The following COL26A1 variants were observed in gnomAD, a reference collection of about 807,000 sequenced individuals.
The protein encoded by COL26A1 is collagen type XXVI alpha 1 chain, also known as collagen alpha-1(XXVI) chain.
In COL26A1, 41 loss-of-function variants were observed where a neutral mutation model predicts 59.3. The observed-to-expected ratio is 0.69, with a 90% CI of 0.54 to 0.90. The LOEUF (loss-of-function observed/expected upper bound fraction) is 0.90. COL26A1 is among the 40% of genes least tolerant of loss of function. The pLI is 0.00. For missense variants in COL26A1, 612 were observed against 602.3 expected, an observed-to-expected ratio of 1.02 and a Z score of -0.17; for synonymous variants, 266 against 256.0, an observed-to-expected ratio of 1.04 and a Z score of -0.37.
chr7:101,530,796 T>C (rs1426462123), intron 3 of COL26A1, among the ~76,000 whole-genome samples: 1 of 152,074 alleles, frequency 6.6e-6, no homozygotes, highest in Non-Finnish European at 1.5e-5. Context: ...GGAGAGCCAG[T>C]GGCTCCCAGT....
chr7:101,489,684 T>TTC (rs1794360533), intron 3 of COL26A1, among the ~76,000 whole-genome samples: 1 of 18,900 alleles, frequency 5.3e-5, no homozygotes, highest in Non-Finnish European at 8.2e-5. Context: ...TTCCTTCCTT[T>TTC]CTTTCTTTCT....
At chr7:101,412,894 A>C (rs1003627363) in intron 1 of COL26A1, among the ~76,000 whole-genome samples, 1 of 152,088 alleles carries the variant, frequency 6.6e-6, no homozygotes, top group African/African-American at 2.4e-5. Flanking sequence ...CCGTGTCACC[A>C]GGGCAATGGG....
intron 3 of COL26A1, among the ~76,000 whole-genome samples, chr7:101,525,171 C>CTTTTTTTT (rs34881584): frequency 4.1e-5 from 3 of 73,902 alleles, no homozygotes; most frequent in Admixed American, 1.8e-4. Context: ...TGACTTCATT[C>CTTTTTTTT]TTTTTTTTTT....
At chr7:101,482,950 T>A (rs941003429) in intron 3 of COL26A1, among the ~76,000 whole-genome samples, 1 of 152,148 alleles carries the variant, frequency 6.6e-6, no homozygotes, top group Non-Finnish European at 1.5e-5. Flanking sequence ...AGTGAGACTC[T>A]GTCTCAAAAA....
At chr7:101,404,163 G>C (rs780072256) in intron 1 of COL26A1, among the ~76,000 whole-genome samples, 8 of 152,148 alleles carry the variant, frequency 5.3e-5, no homozygotes, top group African/African-American at 7.2e-5. Flanking sequence ...AGCCATCTTA[G>C]AGCCATGAGG....
At chr7:101,456,152 G>GTATATA (rs72074261) in intron 3 of COL26A1, among the ~76,000 whole-genome samples, 19 of 108,738 alleles carry the variant, frequency 1.7e-4, no homozygotes, top group African/African-American at 6.2e-4. Context: ...ATTACTGTAA[G>GTATATA]TATATATATA....
rs190732437 is a variant in COL26A1, at chr7:101,471,116, T to C, written c.385+23329T>C. Reference sequence around the variant, plus strand: ...TGAGGCTGGATGCTACTCTGTGTACTGAAGACACTCACTCGGGCCTTAAGG... The same window carrying C: ...TGAGGCTGGATGCTACTCTGTGTACCGAAGACACTCACTCGGGCCTTAAGG... On this transcript the variant is annotated intron_variant, in intron 3 of 12. Coordinates refer to ENST00000313669, the MANE Select transcript of COL26A1 (RefSeq NM_001278563.3). 2.0e-3 allele frequency among the ~76,000 whole-genome samples: 304 copies of C among 152,310 alleles called. 1 individual carries two copies. The highest frequency in any genetic ancestry group is 0.017 in the Middle Eastern group (5 of 294).
At chr7:101,392,776 C>T (rs1584367223) in intron 1 of COL26A1, among the ~76,000 whole-genome samples, 1 of 152,040 alleles carries the variant, frequency 6.6e-6, no homozygotes, top group Non-Finnish European at 1.5e-5. Flanking sequence ...TCCTAGTTGT[C>T]TGAAATGTGC....
At chr7:101,555,262 C>T in intron 11 of COL26A1, among the ~76,000 whole-genome samples, 1 of 152,208 alleles carries the variant, frequency 6.6e-6, no homozygotes, top group East Asian at 1.9e-4. Flanking sequence ...CCTGCCTGCA[C>T]TTTGAAATGG....
At chr7:101,533,835 C>G (rs1374612854) in intron 4 of COL26A1, among the ~76,000 whole-genome samples, 1 of 152,232 alleles carries the variant, frequency 6.6e-6, no homozygotes, top group Non-Finnish European at 1.5e-5. Context: ...CTGCTCCTCA[C>G]TGGGTAACAC....
At chr7:101,499,642 C>T (rs1296245027) in intron 3 of COL26A1, among the ~76,000 whole-genome samples, 1 of 151,616 alleles carries the variant, frequency 6.6e-6, no homozygotes, top group African/African-American at 2.4e-5. Context: ...TGAGATTGCA[C>T]CACTACACTC....
chr7:101,391,665 A>G (rs1418933788), intron 1 of COL26A1, among the ~76,000 whole-genome samples: 1 of 151,972 alleles, frequency 6.6e-6, no homozygotes, highest in Non-Finnish European at 1.5e-5. Flanking sequence ...GTTCAAAGAG[A>G]TTCTCCTGCC....
At chr7:101,490,672 G>C (rs1036791193) in intron 3 of COL26A1, among the ~76,000 whole-genome samples, 12 of 151,744 alleles carry the variant, frequency 7.9e-5, no homozygotes, top group Non-Finnish European at 1.5e-4. Context: ...TTGCACTCCA[G>C]CCTGGGTAAC....
Position 101,363,078 on chromosome 7 carries a change from G to C in COL26A1, c.46G>C (p.Gly16Arg). The change falls in exon 1 of 13, where the codon GGG (glycine) becomes CGG (arginine). Residue 16 changes from glycine (G) to arginine (R), a missense_variant. Physicochemically the swap from Gly to Arg is moderately radical, Grantham distance 125. Coordinates refer to ENST00000313669, the MANE Select transcript of COL26A1 (RefSeq NM_001278563.3). ...LLPWACCCLC[G>R]SALATGFLYP... ...GCCCTGGGCGTGTTGCTGCCTCTGC[G>C]GGTCGGCGCTGGCCACCGGCTTCCT... 1.3e-6 allele frequency: 2 copies of C among 1,579,458 alleles called. No individual in the cohort carries two copies. Among genetic ancestry groups the C allele is most frequent in the Non-Finnish European group, 1.7e-6 (2 of 1,171,520 alleles).
intron 3 of COL26A1, among the ~76,000 whole-genome samples, chr7:101,527,347 G>A (rs1795269245): frequency 6.6e-6 from 1 of 150,406 alleles, no homozygotes; most frequent in African/African-American, 2.4e-5. Context: ...TTCTCTTTTT[G>A]AGATGGAGTC....
In COL26A1 at chr7:101,497,238, C is replaced by T. The variant is rs570104378; in HGVS notation, c.386-35844C>T. On this transcript the variant is annotated intron_variant, in intron 3 of 12. Transcript: ENST00000313669. Reference sequence around the variant, plus strand: ...GGTGGACAAGAGCAAAACTCCATCTCAAAAAACACAAACAGAAATAGTTCT... The same window carrying T: ...GGTGGACAAGAGCAAAACTCCATCTTAAAAAACACAAACAGAAATAGTTCT... Among the ~76,000 whole-genome samples, 14 of 152,216 alleles carry T rather than the reference C, an allele frequency of 9.2e-5. 1 individual carries two copies. Among genetic ancestry groups the T allele is most frequent in the African/African-American group, 3.4e-4 (14 of 41,552 alleles).
chr7:101,411,983 G>A (rs1254992704), intron 1 of COL26A1, among the ~76,000 whole-genome samples: 1 of 152,086 alleles, frequency 6.6e-6, no homozygotes, highest in Non-Finnish European at 1.5e-5. Flanking sequence ...TCTGACTCAG[G>A]CTCGGGACTC....
At position 101,445,750 on chromosome 7, in the gene COL26A1, AAAAAG is replaced by A. The variant is rs1213456344; in HGVS notation, c.282-1932_282-1928del. On this transcript the variant is annotated intron_variant, in intron 2 of 12. Transcript: ENST00000313669. ...CCGTCTCAAAAAAAAAAAAAAAAAA[AAAAAG>A]AGAGTGAGGGGGCACCAGGCGCGGT... Among the ~76,000 whole-genome samples the A allele has an allele frequency of 2.4e-3, 337 of 139,138 alleles. 3 individuals are homozygous for A. Among genetic ancestry groups the A allele is most frequent in the African/African-American group, 8.6e-3 (317 of 37,060 alleles). 91.3% of individuals were successfully genotyped at this position (139,138 alleles called of 152,430 possible).
At chr7:101,484,790 G>A (rs562962729) in intron 3 of COL26A1, among the ~76,000 whole-genome samples, 2 of 151,840 alleles carry the variant, frequency 1.3e-5, no homozygotes, top group Non-Finnish European at 2.9e-5. Flanking sequence ...AGCCTCCCGA[G>A]TAGCTAGGAT....
Sources: allele counts gnomAD v4.1 joint callset (sites outside exome capture counted in the v4.1 genomes callset), GRCh38; gene constraint gnomAD v4.1.1; transcripts MANE v1.5; gene names NCBI Gene and HGNC (gene_info 2026-07-23, HGNC 2026-07-21).